ATP11C: variants seen among roughly 807,000 people sequenced by gnomAD.
ATP11C encodes phospholipid-transporting ATPase IG.
A neutral mutation model predicts 97.4 loss-of-function variants in ATP11C; 36 were observed. The ratio of observed to expected loss-of-function variants is 0.37; its 90% CI spans 0.28 to 0.49. ATP11C has a LOEUF of 0.49. Among genes scored for constraint, ATP11C ranks in the 20% least tolerant of loss-of-function variants. The pLI is 0.98. For synonymous variants in ATP11C, 275 were observed against 290.9 expected, an observed-to-expected ratio of 0.95 and a Z score of 0.56; for missense variants, 730 against 824.6, an observed-to-expected ratio of 0.89 and a Z score of 1.40.
chrX:139,896,056 C>G (rs1430909430), intron 1 of ATP11C, among the ~76,000 whole-genome samples: 2 of 111,411 alleles, frequency 1.8e-5, no homozygotes, highest in Non-Finnish European at 3.8e-5. Context: ...ATATTTCATT[C>G]TGCTGAATGA....
intron 15 of ATP11C, among the ~76,000 whole-genome samples, chrX:139,786,007 T>C (rs544840535): frequency 6.3e-5 from 7 of 110,942 alleles, no homozygotes; most frequent in African/African-American, 1.6e-4. Context: ...AATAGGGGAA[T>C]AGTAAGAGAT....
intron 1 of ATP11C, among the ~76,000 whole-genome samples, chrX:139,835,106 G>T (rs2083726921): frequency 8.9e-6 from 1 of 112,034 alleles, no homozygotes; most frequent in Admixed American, 9.4e-5. Flanking sequence ...TTCACAATCA[G>T]CTATACTGGC....
intron 1 of ATP11C, among the ~76,000 whole-genome samples, chrX:139,927,766 T>C (rs1186900784): frequency 9.0e-6 from 1 of 110,862 alleles, no homozygotes; most frequent in Non-Finnish European, 1.9e-5. Context: ...GATTATACTA[T>C]GGTCAGTATA....
intron 1 of ATP11C, among the ~76,000 whole-genome samples, chrX:139,853,448 G>C (rs1455064273): frequency 2.7e-5 from 3 of 110,669 alleles, no homozygotes; most frequent in African/African-American, 9.9e-5. Flanking sequence ...GACAAAGAGG[G>C]AGTCAAAGAT....
At chrX:139,746,122 C>G (rs1412246654) in intron 24 of ATP11C, among the ~76,000 whole-genome samples, 2 of 111,489 alleles carry the variant, frequency 1.8e-5, no homozygotes, top group Non-Finnish European at 3.8e-5. Flanking sequence ...TAATTCGCTT[C>G]CATTTAATGG....
intron 1 of ATP11C, among the ~76,000 whole-genome samples, chrX:139,895,912 C>T (rs1275615937): frequency 9.1e-6 from 1 of 109,929 alleles, no homozygotes; most frequent in Non-Finnish European, 1.9e-5. Context: ...TGGCCTCAAG[C>T]TGTCCGCCCG....
chrX:139,856,316 G>A (rs1034468356), intron 1 of ATP11C, among the ~76,000 whole-genome samples: 12 of 112,895 alleles, frequency 1.1e-4, no homozygotes, highest in South Asian at 7.3e-4. Flanking sequence ...TCCAGCTTCC[G>A]TCTCCCAACA....
intron 27 of ATP11C, among the ~76,000 whole-genome samples, chrX:139,738,815 T>A: frequency 9.1e-6 from 1 of 110,384 alleles, no homozygotes; most frequent in South Asian, 4.1e-4. Flanking sequence ...GAAGCTATTG[T>A]TCTTTGAAGG....
chrX:139,772,090 T>A (rs2082265434), intron 19 of ATP11C, among the ~76,000 whole-genome samples: 1 of 111,888 alleles, frequency 8.9e-6, no homozygotes. Context: ...AGCGTCCCCG[T>A]GCTGTGTGTA....
At chrX:139,925,621 A>T (rs1207511320) in intron 1 of ATP11C, among the ~76,000 whole-genome samples, 1 of 112,194 alleles carries the variant, frequency 8.9e-6, no homozygotes, top group East Asian at 2.8e-4. Context: ...TAACTGCAAG[A>T]TCATTTTCAA....
In ATP11C at chrX:139,728,825, G is replaced by T; in HGVS notation, c.*141C>A. ...CATTTATTGTGAACTCTAGACATGA[G>T]AGTGGTTTAGTGTGTTGCGTATCAA... On this transcript the variant is annotated 3_prime_UTR_variant, in exon 30 of 30. Transcript: ENST00000682941. The T allele has an allele frequency of 1.4e-6, 1 of 726,883 alleles. No individual in the cohort carries two copies. The highest frequency in any genetic ancestry group is 2.5e-5 in the Admixed American group (1 of 40,710). 59.9% of individuals were successfully genotyped at this position (726,883 alleles called of 1,213,427 possible). A position where few individuals can be genotyped will look rare whatever the true frequency, so the allele number is the denominator to read the frequency against.
chrX:139,804,227 C>G (rs911209515), intron 6 of ATP11C, among the ~76,000 whole-genome samples: 16 of 111,177 alleles, frequency 1.4e-4, no homozygotes, highest in Non-Finnish European at 2.8e-4. Flanking sequence ...TCAAGCAGTG[C>G]TATAAAAATT....
intron 5 of ATP11C, among the ~76,000 whole-genome samples, chrX:139,808,477 G>C (rs1386073013): frequency 9.0e-6 from 1 of 111,227 alleles, no homozygotes; most frequent in Non-Finnish European, 1.9e-5. Flanking sequence ...AAATGTAAAG[G>C]CATCAAAGAA....
At chrX:139,823,022 G>A (rs2083448340) in intron 2 of ATP11C, among the ~76,000 whole-genome samples, 1 of 110,142 alleles carries the variant, frequency 9.1e-6, no homozygotes, top group African/African-American at 3.3e-5. Flanking sequence ...TTCGAGACCA[G>A]CCTGGCCAAC....
chrX:139,893,693 G>A (rs185069343), intron 1 of ATP11C, among the ~76,000 whole-genome samples: 2 of 107,270 alleles, frequency 1.9e-5, no homozygotes, highest in Admixed American at 1.0e-4. Context: ...TACTCTCACT[G>A]TACAGATGAA....
At chrX:139,906,484 ATTAAT>A (rs1798375785) in intron 1 of ATP11C, among the ~76,000 whole-genome samples, 1 of 109,465 alleles carries the variant, frequency 9.1e-6, no homozygotes. Flanking sequence ...AGCATAACTC[ATTAAT>A]TTAACATTCA....
At chrX:139,904,561 G>T (rs1207640810) in intron 1 of ATP11C, among the ~76,000 whole-genome samples, 1 of 111,448 alleles carries the variant, frequency 9.0e-6, no homozygotes, top group Non-Finnish European at 1.9e-5. Flanking sequence ...TTTTTTAGAT[G>T]TTGTTCTACA....
chrX:139,807,199 C>T (rs966384775), intron 5 of ATP11C, among the ~76,000 whole-genome samples: 3 of 110,946 alleles, frequency 2.7e-5, no homozygotes, highest in Admixed American at 1.9e-4. Flanking sequence ...GGCAAGGGAA[C>T]GTGGGGCGGG....
chrX:139,863,752 A>G (rs1416902603), intron 1 of ATP11C, among the ~76,000 whole-genome samples: 1 of 110,004 alleles, frequency 9.1e-6, no homozygotes, highest in African/African-American at 3.3e-5. Context: ...ACATTCTTAA[A>G]ATATTTTTTA....
Sources: allele counts gnomAD v4.1 joint callset (sites outside exome capture counted in the v4.1 genomes callset), GRCh38; gene constraint gnomAD v4.1.1; transcripts MANE v1.5; gene names NCBI Gene and HGNC (gene_info 2026-07-23, HGNC 2026-07-21).